Variants in ASPH observed in about 807,000 individuals in gnomAD.
ASPH encodes the protein aspartyl/asparaginyl beta-hydroxylase.
In ASPH, 100 loss-of-function variants were observed where a neutral mutation model predicts 118.4. The observed-to-expected ratio is 0.84, with a 90% confidence interval of 0.72 to 1.00. ASPH has a LOEUF of 1.00. Ranked by LOEUF, ASPH falls within the 50% of genes least tolerant of loss-of-function variation. ASPH has a pLI of 0.00. For missense variants in ASPH, 920 were observed against 919.5 expected (o/e 1.00, Z -0.01); for synonymous variants, 315 against 325.6 (o/e 0.97, Z 0.35).
chr8:61,650,909 A>C, intron 5 of ASPH, 141 bp downstream of exon 5: 1 of 747,010 alleles, frequency 1.3e-6, no homozygotes, highest in Non-Finnish European at 2.1e-6. Flanking sequence ...AACACCTGCT[A>C]TCTAACTTTG....
intron 15 of ASPH, among the ~76,000 whole-genome samples, chr8:61,580,279 A>G (rs183031587): frequency 1.2e-3 from 180 of 152,306 alleles, no homozygotes; most frequent in Non-Finnish European, 1.7e-3. Flanking sequence ...TGGGGACTCT[A>G]TGTGGGGGAT....
intron 14 of ASPH, among the ~76,000 whole-genome samples, chr8:61,589,007 A>G (rs1840308836): frequency 6.6e-6 from 1 of 152,258 alleles, no homozygotes; most frequent in Non-Finnish European, 1.5e-5. Context: ...GGCCTAGTCC[A>G]AAAGGCTACT....
chr8:61,713,114 C>T (rs1249869963), intron 1 of ASPH, among the ~76,000 whole-genome samples: 1 of 152,228 alleles, frequency 6.6e-6, no homozygotes, highest in Non-Finnish European at 1.5e-5. Flanking sequence ...CATTGAACTT[C>T]AAACTGTGTC....
At chr8:61,638,101 G>T in intron 11 of ASPH, 98 bp from the exon 12 acceptor site, 1 of 1,297,304 alleles carries the variant, frequency 7.7e-7, no homozygotes, top group Non-Finnish European at 1.1e-6. Context: ...ATTAACTCGT[G>T]TCCACTCAGA....
At chr8:61,553,510 A>C (rs1826751401) in intron 19 of ASPH, among the ~76,000 whole-genome samples, 1 of 152,180 alleles carries the variant, frequency 6.6e-6, no homozygotes, top group African/African-American at 2.4e-5. Flanking sequence ...CTAAACCAAA[A>C]TGTTTAACTG....
At chr8:61,565,235 T>A (rs1157147461) in intron 17 of ASPH, among the ~76,000 whole-genome samples, 3 of 152,086 alleles carry the variant, frequency 2.0e-5, no homozygotes, top group Non-Finnish European at 4.4e-5. Context: ...TACTTCATGT[T>A]TTTTTTTCTA....
At position 61,562,748 on chromosome 8, in the gene ASPH, T is replaced by G. The variant is rs779893472; in HGVS notation, c.1433A>C (p.Glu478Ala). The G allele has an allele frequency of 6.2e-7, 1 of 1,606,772 alleles. No homozygotes were observed. Among genetic ancestry groups the G allele is most frequent in the Non-Finnish European group, 8.5e-7 (1 of 1,177,654 alleles). Residue 478 changes from glutamate to alanine, a missense_variant, in exon 18 of 25, where the codon GAA (glutamate) becomes GCA (alanine). By Grantham distance (107) the Glu-to-Ala change is moderately radical (BLOSUM62 -1). Transcript: ENST00000379454. ...TAATACAAGATTGATGCTTACCTCT[T>G]CATAAACTTTCTTTGCATTGTCATT... ...GDNDNAKKVY[E>A]EVLSVTPNDG...
intron 1 of ASPH, among the ~76,000 whole-genome samples, chr8:61,686,757 TTTTTTTGGC>T (rs1424706892): frequency 2.0e-5 from 3 of 152,188 alleles, no homozygotes; most frequent in Non-Finnish European, 2.9e-5. Flanking sequence ...AAATTGAATT[TTTTTTTGGC>T]AAAAGGAATG....
intron 1 of ASPH, among the ~76,000 whole-genome samples, chr8:61,701,756 T>C (rs1389495599): frequency 6.6e-6 from 1 of 152,206 alleles, no homozygotes. Context: ...CTATTGCTAG[T>C]TATTACCATT....
chr8:61,667,424 T>C (rs1820226252), intron 3 of ASPH, among the ~76,000 whole-genome samples: 1 of 152,156 alleles, frequency 6.6e-6, no homozygotes, highest in Non-Finnish European at 1.5e-5. Flanking sequence ...TGGAGTGCAA[T>C]GGCACAATCT....
At chr8:61,681,196 T>C (rs1485547220) in intron 2 of ASPH, among the ~76,000 whole-genome samples, 160 bp from the exon 3 acceptor site, 1 of 151,832 alleles carries the variant, frequency 6.6e-6, no homozygotes, top group Non-Finnish European at 1.5e-5. Context: ...ATGAATATCT[T>C]ACCTAAAAAT....
At chr8:61,586,068 A>C (rs7015848) in intron 14 of ASPH, among the ~76,000 whole-genome samples, 1 of 152,058 alleles carries the variant, frequency 6.6e-6, no homozygotes, top group African/African-American at 2.4e-5. Flanking sequence ...CCCTTTTGCA[A>C]CATTTGACAC....
intron 1 of ASPH, chr8:61,684,397 C>A: frequency 3.8e-6 from 2 of 524,774 alleles, no homozygotes; most frequent in South Asian, 3.6e-5. Context: ...TGAAGTAGTG[C>A]AGGAAATAAA....
At chr8:61,683,057 A>G (rs761940218) in intron 2 of ASPH, among the ~76,000 whole-genome samples, 1 of 152,160 alleles carries the variant, frequency 6.6e-6, no homozygotes, top group Non-Finnish European at 1.5e-5. Flanking sequence ...CTTTAAAAAC[A>G]TTATGCTAAG....
intron 14 of ASPH, among the ~76,000 whole-genome samples, chr8:61,589,669 A>G (rs1281528417): frequency 6.6e-6 from 1 of 152,164 alleles, no homozygotes; most frequent in African/African-American, 2.4e-5. Context: ...CTCTGCCCAC[A>G]GTGGAGGGAG....
At chr8:61,703,768 T>C (rs114101932) in intron 1 of ASPH, among the ~76,000 whole-genome samples, 156 of 152,276 alleles carry the variant, frequency 1.0e-3, no homozygotes, top group African/African-American at 3.6e-3. Context: ...GTTGACAAGG[T>C]GATTCTAAAA....
At chr8:61,522,307 T>G (rs1202906268) in intron 22 of ASPH, among the ~76,000 whole-genome samples, 1 of 152,060 alleles carries the variant, frequency 6.6e-6, no homozygotes, top group Non-Finnish European at 1.5e-5. Flanking sequence ...ACAGACTGAG[T>G]GGCTTAAACA....
intron 3 of ASPH, among the ~76,000 whole-genome samples, chr8:61,674,749 T>C (rs769060517): frequency 6.6e-6 from 1 of 152,144 alleles, no homozygotes; most frequent in Non-Finnish European, 1.5e-5. Flanking sequence ...TCAGAATAAA[T>C]GGATGAATGA....
At chr8:61,661,205 T>C (rs542325887) in intron 3 of ASPH, 2 of 152,300 alleles carry the variant, frequency 1.3e-5, no homozygotes, top group East Asian at 3.9e-4. Context: ...TTACAAAGGA[T>C]AAAGGACTGA....
Sources: gnomAD v4.1 joint callset for allele counts (sites outside exome capture counted in the v4.1 genomes callset) on GRCh38, gnomAD v4.1.1 for gene constraint, MANE v1.5 for transcripts, NCBI Gene and HGNC (gene_info 2026-07-23, HGNC 2026-07-21) for gene names.